ADAM22: variants seen among roughly 807,000 people sequenced by gnomAD.
The protein encoded by ADAM22 is disintegrin and metalloproteinase domain-containing protein 22.
ADAM22 carries 65 observed loss-of-function variants against 144.6 expected under a neutral mutation model. That is an observed-to-expected ratio of 0.45 (90% CI 0.37 to 0.55). The LOEUF is 0.55. ADAM22 is among the 20% of genes least tolerant of loss of function. ADAM22 has a pLI of 0.00. For missense variants in ADAM22, 974 were observed against 1,184.9 expected, an observed-to-expected ratio of 0.82 and a Z score of 2.61; for synonymous variants, 391 against 412.6, an observed-to-expected ratio of 0.95 and a Z score of 0.63.
rs1187632200 is a variant in ADAM22, at chr7:87,965,021, C to G, written c.247-13315C>G. Among the ~76,000 whole-genome samples the G allele has an allele frequency of 4.6e-5, 7 of 152,200 alleles. 1 individual carries two copies. On this transcript the variant is annotated intron_variant, in intron 2 of 31. Coordinates refer to ENST00000413139, the MANE Select transcript of ADAM22 (RefSeq NM_001324418.2). ...TTCTCTTACAGACACACACCACAATCCCATCTTCTTTCTTTACTGTGGTAG... is the reference window on the plus strand; with the variant it reads ...TTCTCTTACAGACACACACCACAATGCCATCTTCTTTCTTTACTGTGGTAG...
intron 14 of ADAM22, among the ~76,000 whole-genome samples, chr7:88,142,612 G>T (rs1371631403): frequency 6.6e-6 from 1 of 152,126 alleles, no homozygotes; most frequent in Admixed American, 6.6e-5. Flanking sequence ...GCCGAGGCGG[G>T]CGGATCACAA....
At chr7:88,195,396 C>A (rs746288136) in intron 31 of ADAM22, among the ~76,000 whole-genome samples, 96 of 152,140 alleles carry the variant, frequency 6.3e-4, no homozygotes, top group Non-Finnish European at 1.5e-4. Flanking sequence ...ATATAAAGAG[C>A]TCATGGCAAA....
chr7:88,127,575 G>A (rs1364630488), intron 8 of ADAM22, among the ~76,000 whole-genome samples: 10 of 151,278 alleles, frequency 6.6e-5, no homozygotes, highest in African/African-American at 2.4e-4. Flanking sequence ...TATCACCTTG[G>A]TGTTATAATA....
intron 3 of ADAM22, among the ~76,000 whole-genome samples, chr7:88,052,368 G>T (rs1442575327): frequency 6.6e-6 from 1 of 151,012 alleles, no homozygotes; most frequent in African/African-American, 2.4e-5. Context: ...AATTAGCCTG[G>T]CGTGGTGGCG....
chr7:87,995,147 A>G (rs1790847685), intron 3 of ADAM22, among the ~76,000 whole-genome samples: 1 of 152,218 alleles, frequency 6.6e-6, no homozygotes, highest in Non-Finnish European at 1.5e-5. Flanking sequence ...ATGAATACCA[A>G]AGGATTTAGA....
At chr7:88,017,719 T>C (rs1796857750) in intron 3 of ADAM22, among the ~76,000 whole-genome samples, 1 of 152,102 alleles carries the variant, frequency 6.6e-6, no homozygotes, top group Non-Finnish European at 1.5e-5. Flanking sequence ...AGTAACCATT[T>C]TTATTAATTT....
At chr7:87,936,655 C>T (rs764613250) in intron 2 of ADAM22, among the ~76,000 whole-genome samples, 2 of 152,018 alleles carry the variant, frequency 1.3e-5, no homozygotes, top group African/African-American at 2.4e-5. Context: ...CATATCATTT[C>T]ATTCATAAAA....
At chr7:87,945,080 A>G (rs1289022747) in intron 2 of ADAM22, among the ~76,000 whole-genome samples, 2 of 151,972 alleles carry the variant, frequency 1.3e-5, no homozygotes, top group East Asian at 3.8e-4. Context: ...CCCATTTTAC[A>G]GTTTAGACTT....
rs181211736 is a variant in ADAM22, at chr7:87,991,724, A to G, written c.323+13312A>G. On this transcript the variant is annotated intron_variant, in intron 3 of 31. Transcript: ENST00000413139. ...ACACAAATCAGTGACAAGCATTTCAATTCTTTGACTTTTGGGAGGATTGCT... is the reference window on the plus strand; with the variant it reads ...ACACAAATCAGTGACAAGCATTTCAGTTCTTTGACTTTTGGGAGGATTGCT... 3.3e-4 allele frequency among the ~76,000 whole-genome samples: 51 copies of G among 152,358 alleles called. No homozygotes were observed. In the South Asian group the frequency reaches 8.5e-3, roughly 25 times the overall value.
chr7:88,151,099 C>T (rs1302184014), intron 19 of ADAM22, 68 bp downstream of exon 19: 1 of 1,551,266 alleles, frequency 6.4e-7, no homozygotes, highest in African/African-American at 1.4e-5. Context: ...GAAATCTTAT[C>T]AAAATAGGAA....
chr7:88,002,075 A>G (rs576941311), intron 3 of ADAM22, among the ~76,000 whole-genome samples: 74 of 152,268 alleles, frequency 4.9e-4, no homozygotes, highest in African/African-American at 1.8e-3. Context: ...TATGATGCAT[A>G]TCATTTGGGA....
chr7:88,006,157 T>A (rs1389492853), intron 3 of ADAM22, among the ~76,000 whole-genome samples: 1 of 152,184 alleles, frequency 6.6e-6, no homozygotes, highest in Non-Finnish European at 1.5e-5. Flanking sequence ...ATTATAATTT[T>A]ATATTTTTTT....
Position 88,160,466 on chromosome 7 carries a change from A to C in ADAM22, c.1908-2546A>C, listed in dbSNP as rs548025103. On this transcript the variant is annotated intron_variant, in intron 22 of 31. Coordinates refer to ENST00000413139, the MANE Select transcript of ADAM22 (RefSeq NM_001324418.2). ...GTTGCTCAACTTCAAACTATAGTACAGGGCTACAGTAACCAAAACAGCATG... is the reference window on the plus strand; with the variant it reads ...GTTGCTCAACTTCAAACTATAGTACCGGGCTACAGTAACCAAAACAGCATG... 8.9e-4 allele frequency among the ~76,000 whole-genome samples: 136 copies of C among 152,298 alleles called. 1 individual carries two copies. Among genetic ancestry groups the C allele is most frequent in the Non-Finnish European group, 1.7e-3 (115 of 68,018 alleles).
In ADAM22 at chr7:88,131,738, A is replaced by G. The variant is rs190108247; in HGVS notation, c.992+303A>G. The G allele has an allele frequency of 8.6e-3, 2,972 of 346,718 alleles. 33 individuals carry two copies. The highest frequency in any genetic ancestry group is 7.4e-3 in the Non-Finnish European group (1,448 of 194,688). The allele number at this position is 346,718 out of a possible 1,614,324, so 21.5% of individuals were successfully genotyped here. A position where few individuals can be genotyped will look rare whatever the true frequency, so the allele number is the denominator to read the frequency against. On this transcript the variant is annotated intron_variant, in intron 11 of 31. Transcript: ENST00000413139. Reference sequence around the variant, plus strand: ...GTATTCTTAACTACAGATAAATTATATTCTTTAAAGTTACTGTCTTTTAAA... The same window carrying G: ...GTATTCTTAACTACAGATAAATTATGTTCTTTAAAGTTACTGTCTTTTAAA...
intron 26 of ADAM22, among the ~76,000 whole-genome samples, chr7:88,172,313 C>A (rs1296987812): frequency 6.6e-6 from 1 of 151,820 alleles, no homozygotes; most frequent in Non-Finnish European, 1.5e-5. Flanking sequence ...CTTCACTTTT[C>A]CCACTTAAAA....
Position 88,142,916 on chromosome 7 carries a change from T to G in ADAM22, c.1221-110T>G, listed in dbSNP as rs116663377. 2,641 of 633,726 alleles carry G rather than the reference T, an allele frequency of 4.2e-3. 58 individuals are homozygous for G. In the African/African-American group the frequency reaches 0.044, roughly 10 times the overall value. The allele number at this position is 633,726 out of a possible 1,614,324, so 39.3% of individuals were successfully genotyped here. On this transcript the variant is annotated intron_variant, in intron 14 of 31. Coordinates refer to ENST00000413139, the MANE Select transcript of ADAM22 (RefSeq NM_001324418.2). ...ATAAATGTCATACATAAGTAGACTTTATTCCCTCATTTTAAAGAGTAATAT... is the reference window on the plus strand; with the variant it reads ...ATAAATGTCATACATAAGTAGACTTGATTCCCTCATTTTAAAGAGTAATAT...
intron 2 of ADAM22, among the ~76,000 whole-genome samples, chr7:87,943,328 G>C (rs1260174102): frequency 1.3e-5 from 2 of 151,730 alleles, no homozygotes; most frequent in Non-Finnish European, 2.9e-5. Context: ...ATAAGTGGTA[G>C]AAGTGGGAAT....
intron 3 of ADAM22, among the ~76,000 whole-genome samples, chr7:87,991,587 C>T (rs1447820329): frequency 6.6e-6 from 1 of 151,120 alleles, no homozygotes; most frequent in Non-Finnish European, 1.5e-5. Flanking sequence ...AGGATGGTCT[C>T]GATCTCCTGA....
chr7:88,020,768 G>A (rs1388882912), intron 3 of ADAM22, among the ~76,000 whole-genome samples: 1 of 152,122 alleles, frequency 6.6e-6, no homozygotes, highest in East Asian at 1.9e-4. Flanking sequence ...CACATACTAT[G>A]TAATTCAAAA....
Sources: gnomAD v4.1 joint callset for allele counts (sites outside exome capture counted in the v4.1 genomes callset) on GRCh38, gnomAD v4.1.1 for gene constraint, MANE v1.5 for transcripts, NCBI Gene and HGNC (gene_info 2026-07-23, HGNC 2026-07-21) for gene names.